The following GREB1L variants were observed in gnomAD, a reference collection of about 807,000 sequenced individuals.
GREB1L encodes GREB1 like retinoic acid receptor coactivator.
A neutral mutation model predicts 200.8 loss-of-function variants in GREB1L; 17 were observed. The observed-to-expected ratio is 0.08, with a 90% CI of 0.06 to 0.13. GREB1L has a LOEUF of 0.13. Among genes scored for constraint, GREB1L ranks in the 10% least tolerant of loss-of-function variants. The pLI is 1.00. For synonymous variants in GREB1L, 789 were observed against 893.0 expected, an observed-to-expected ratio of 0.88 and a Z score of 2.08; for missense variants, 1,657 against 2,367.7, an observed-to-expected ratio of 0.70 and a Z score of 6.23.
At position 21,449,548 on chromosome 18, in the gene GREB1L, A is replaced by G. The variant is rs753308136; in HGVS notation, c.1432A>G (p.Ile478Val). Residue 478 changes from isoleucine (I) to valine (V), a missense_variant, in exon 12 of 33, where the codon ATT (isoleucine) becomes GTT (valine). This residue lies in a region of GREB1L where 289 missense variants were observed against 345.1 expected (regional missense o/e 0.84). Coordinates refer to ENST00000424526, the MANE Select transcript of GREB1L (RefSeq NM_001142966.3). The part of the protein sequence containing the change: ...QVPLREEFEQ[I>V]MLKAMQEFTL... ...ACCTCTCAGGGAAGAATTTGAGCAAATTATGCTGAAAGCTATGCAAGAATT... is the reference window on the plus strand; with the variant it reads ...ACCTCTCAGGGAAGAATTTGAGCAAGTTATGCTGAAAGCTATGCAAGAATT... The G allele has an allele frequency of 6.4e-7, 1 of 1,550,462 alleles. No homozygotes were observed. The highest frequency in any genetic ancestry group is 8.7e-7 in the Non-Finnish European group (1 of 1,146,462).
intron 15 of GREB1L, among the ~76,000 whole-genome samples, chr18:21,471,624 T>C (rs1185641627): frequency 2.7e-4 from 8 of 29,704 alleles, no homozygotes; most frequent in East Asian, 1.0e-3. Context: ...TTGTTTCTTT[T>C]TTTTTTTTTT....
chr18:21,520,661 C>T, intron 31 of GREB1L, 27 bp from the exon 32 acceptor site: 1 of 1,551,156 alleles, frequency 6.4e-7, no homozygotes, highest in Non-Finnish European at 8.7e-7. Flanking sequence ...TTGAAATGCC[C>T]ATGCTATTTT....
At chr18:21,307,757 G>C (rs1227129882) in intron 1 of GREB1L, among the ~76,000 whole-genome samples, 8 of 152,104 alleles carry the variant, frequency 5.3e-5, no homozygotes, top group East Asian at 1.9e-4. Flanking sequence ...TCGGGGGCGG[G>C]GGGGAGGAGT....
In GREB1L at chr18:21,499,819, C is replaced by T; in HGVS notation, c.3482C>T (p.Thr1161Ile). The T allele has an allele frequency of 6.4e-7, 1 of 1,551,908 alleles. No homozygotes were observed. The highest frequency in any genetic ancestry group is 8.7e-7 in the Non-Finnish European group (1 of 1,147,030). ...ACCCCCAGCTTTCAGAGCCCAGCCACCAGCTTGGGGCTGGATGAAGGGGTC... is the reference window on the plus strand; with the variant it reads ...ACCCCCAGCTTTCAGAGCCCAGCCATCAGCTTGGGGCTGGATGAAGGGGTC... ...SLTPSFQSPA[T>I]SLGLDEGVSA... The change falls in exon 22 of 33, where the codon ACC becomes ATC. Residue 1161 changes from threonine to isoleucine, a missense_variant. Thr to Ile is a moderately conservative substitution (Grantham distance 89). Coordinates refer to ENST00000424526, the MANE Select transcript of GREB1L (RefSeq NM_001142966.3).
intron 2 of GREB1L, among the ~76,000 whole-genome samples, chr18:21,377,658 T>C (rs1036689778): frequency 6.6e-5 from 10 of 152,156 alleles, no homozygotes; most frequent in African/African-American, 2.2e-4. Flanking sequence ...ATTGTGCCAC[T>C]GCACTCCAGC....
At chr18:21,417,455 A>G (rs1323920660) in intron 7 of GREB1L, among the ~76,000 whole-genome samples, 1 of 152,180 alleles carries the variant, frequency 6.6e-6, no homozygotes, top group African/African-American at 2.4e-5. Flanking sequence ...CAGAGGTTGC[A>G]GTTAGCCAAG....
intron 5 of GREB1L, among the ~76,000 whole-genome samples, chr18:21,399,289 T>C (rs748575550): frequency 3.9e-5 from 6 of 152,214 alleles, no homozygotes; most frequent in Non-Finnish European, 8.8e-5. Flanking sequence ...CAGGCAGTTT[T>C]CCATGAAGAT....
intron 2 of GREB1L, chr18:21,380,796 C>T (rs2040272644): frequency 6.6e-6 from 1 of 152,118 alleles, no homozygotes; most frequent in African/African-American, 2.4e-5. Flanking sequence ...TATTAGAACC[C>T]ATTTATACTG....
At chr18:21,501,066 C>CAAA (rs11295281) in intron 23 of GREB1L, among the ~76,000 whole-genome samples, 2 of 87,040 alleles carry the variant, frequency 2.3e-5, no homozygotes, top group Admixed American at 1.1e-4. Context: ...GACTTTGTCT[C>CAAA]AAAAAAAAAA....
intron 1 of GREB1L, among the ~76,000 whole-genome samples, chr18:21,327,175 G>A (rs1463551796): frequency 2.0e-5 from 3 of 152,130 alleles, no homozygotes; most frequent in Non-Finnish European, 2.9e-5. Context: ...CCCTCCTGGG[G>A]AGTCCAGGTG....
chr18:21,296,709 CA>C (rs1485946929), intron 1 of GREB1L, among the ~76,000 whole-genome samples: 3 of 150,922 alleles, frequency 2.0e-5, no homozygotes, highest in Non-Finnish European at 4.4e-5. Flanking sequence ...GGCTGGAGTG[CA>C]GTGGCGTGAT....
At chr18:21,360,815 T>A (rs2143538672) in intron 1 of GREB1L, among the ~76,000 whole-genome samples, 1 of 152,354 alleles carries the variant, frequency 6.6e-6, no homozygotes, top group African/African-American at 2.4e-5. Context: ...ATGAAATAGG[T>A]AAGTCATGCC....
chr18:21,401,010 G>GT (rs1480108363), intron 5 of GREB1L, 140 bp from the exon 6 acceptor site: 1 of 653,170 alleles, frequency 1.5e-6, no homozygotes, highest in South Asian at 2.1e-5. Context: ...CATGTACCTG[G>GT]TTTTTTTCCC....
At chr18:21,389,150 C>A (rs968304672) in intron 4 of GREB1L, among the ~76,000 whole-genome samples, 5 of 152,106 alleles carry the variant, frequency 3.3e-5, no homozygotes, top group Non-Finnish European at 7.4e-5. Context: ...TTCATCTCTT[C>A]TCTCCCATTT....
intron 4 of GREB1L, among the ~76,000 whole-genome samples, chr18:21,389,651 C>G (rs1251877598): frequency 6.6e-6 from 1 of 152,170 alleles, no homozygotes; most frequent in Non-Finnish European, 1.5e-5. Flanking sequence ...CTTCTCTACT[C>G]TATACCTCTT....
At chr18:21,274,339 G>A (rs973789114) in intron 1 of GREB1L, among the ~76,000 whole-genome samples, 1 of 152,020 alleles carries the variant, frequency 6.6e-6, no homozygotes. Context: ...TATGAATTTT[G>A]GAGTGACACA....
At chr18:21,469,116 C>G (rs1241025293) in intron 15 of GREB1L, among the ~76,000 whole-genome samples, 1 of 152,234 alleles carries the variant, frequency 6.6e-6, no homozygotes, top group Non-Finnish European at 1.5e-5. Flanking sequence ...TTTCATCAAA[C>G]TTTCAACCAC....
intron 1 of GREB1L, among the ~76,000 whole-genome samples, chr18:21,284,975 T>C (rs2038331234): frequency 6.6e-6 from 1 of 152,178 alleles, no homozygotes; most frequent in Admixed American, 6.6e-5. Flanking sequence ...TTTATATGTC[T>C]TTTTTGGAGA....
intron 27 of GREB1L, among the ~76,000 whole-genome samples, chr18:21,511,067 T>C (rs2037220092): frequency 6.6e-6 from 1 of 152,162 alleles, no homozygotes; most frequent in Non-Finnish European, 1.5e-5. Context: ...CCTTATCAGA[T>C]ACACTCTTGG....
Sources: gnomAD v4.1 joint callset for allele counts (sites outside exome capture counted in the v4.1 genomes callset) on GRCh38, gnomAD v4.1.1 for gene constraint, gnomAD v4.1.1 regional missense constraint, MANE v1.5 for transcripts, NCBI Gene and HGNC (gene_info 2026-07-23, HGNC 2026-07-21) for gene names.